ATG16L2: variants seen among roughly 807,000 people sequenced by gnomAD.
The protein encoded by ATG16L2 is autophagy related 16 like 2, also known as protein Atg16l2.
Under a neutral mutation model 84.7 loss-of-function variants are expected in ATG16L2, and 77 were observed. The ratio of observed to expected loss-of-function variants is 0.91; its 90% CI spans 0.76 to 1.10. ATG16L2 has a LOEUF of 1.10. Ranked by LOEUF, ATG16L2 falls within the 50% of genes least tolerant of loss-of-function variation. The probability of loss-of-function intolerance (pLI) is 0.00; values close to 1 mark genes in which losing one functional copy is unlikely to be tolerated. For missense variants in ATG16L2, 782 were observed against 817.6 expected, an observed-to-expected ratio of 0.96 and a Z score of 0.53; for synonymous variants, 361 against 342.8, an observed-to-expected ratio of 1.05 and a Z score of -0.59.
At chr11:72,843,337 A>G (rs765717422) in exon 6 of ATG16L2, 2 of 1,610,196 alleles carry the variant, frequency 1.2e-6, no homozygotes, top group East Asian at 4.5e-5. Context: ...GCCTGGGTAA[A>G]AGACATGTGA....
chr11:72,816,782 A>C lies in ATG16L2; in HGVS notation c.173A>C (p.Gln58Pro), dbSNP rs1180336012. The C allele has an allele frequency of 6.2e-7, 1 of 1,614,240 alleles. No individual in the cohort carries two copies. ...ELLDKFSKKLQPEPNSVTPTT... is the reference protein window; with the variant it reads ...ELLDKFSKKLPPEPNSVTPTT... ...CTGGACAAGTTCTCAAAGAAGCTGC[A>C]GCCGGAGCCAAACAGTGTCACTCCC... Residue 58 changes from glutamine to proline, a missense_variant, in exon 2 of 18, where the codon CAG becomes CCG. Coordinates refer to ENST00000321297, the MANE Select transcript of ATG16L2 (RefSeq NM_033388.2).
In ATG16L2 at chr11:72,839,414, A is replaced by G. The variant is rs145635734; in HGVS notation, c.*22-3203A>G. On this transcript the variant is annotated intron_variant, in intron 5 of 5. Coordinates refer to the ATG16L2 transcript ENST00000534905. Reference sequence around the variant, plus strand: ...AAGATGACTCAGGTAACAACTGGAGAAAGGATCAGAGGCAAGCAAGAGTCC... The same window carrying G: ...AAGATGACTCAGGTAACAACTGGAGGAAGGATCAGAGGCAAGCAAGAGTCC... 6.6e-5 allele frequency among the ~76,000 whole-genome samples: 10 copies of G among 152,362 alleles called. 2 individuals carry two copies. Among genetic ancestry groups the G allele is most frequent in the African/African-American group, 2.4e-4 (10 of 41,590 alleles).
At chr11:72,839,015 C>G in intron 5 of ATG16L2, 1 of 649,984 alleles carries the variant, frequency 1.5e-6, no homozygotes, top group Non-Finnish European at 2.7e-6. Flanking sequence ...TGCTTTCAAC[C>G]TAGTCTTCAC....
exon 6 of ATG16L2, chr11:72,843,361 C>G: frequency 6.4e-7 from 1 of 1,551,364 alleles, no homozygotes; most frequent in East Asian, 2.3e-5. Context: ...AACAAGTTTA[C>G]ACACACAATT....
downstream of ATG16L2, among the ~76,000 whole-genome samples, chr11:72,830,384 T>C (rs1263354812): frequency 6.6e-6 from 1 of 152,170 alleles, no homozygotes; most frequent in Non-Finnish European, 1.5e-5. Context: ...GACCTTGTGC[T>C]GCTGGTTCTA....
intron 12 of ATG16L2, 48 bp from the exon 13 acceptor site, chr11:72,826,655 A>G (rs1447744753): frequency 1.2e-6 from 2 of 1,613,906 alleles, no homozygotes; most frequent in African/African-American, 1.3e-5. Flanking sequence ...GGGGCCTGTT[A>G]TGGGGTCTTG....
chr11:72,820,828 A>T (rs1382708132), intron 3 of ATG16L2, among the ~76,000 whole-genome samples: 2 of 151,612 alleles, frequency 1.3e-5, no homozygotes, highest in Non-Finnish European at 2.9e-5. Flanking sequence ...TCTCCCACCG[A>T]CCCTGCTTGG....
Position 72,822,494 on chromosome 11 carries a change from G to T in ATG16L2, c.661G>T (p.Val221Leu). The stretch of plus-strand genomic sequence containing the variant: ...CCCAACAAGGGCCAAGCAGGCGCGG[G>T]TGTCCCAGGAGCTGAAGAAGGCTGC... ...ERRERAKQARVSQELKKAAKR... is the reference protein window; with the variant it reads ...ERRERAKQARLSQELKKAAKR... The change falls in exon 6 of 18, where the codon GTG becomes TTG. Residue 221 changes from valine to leucine, a missense_variant. By Grantham distance (32) the Val-to-Leu change is conservative. Coordinates refer to ENST00000321297, the MANE Select transcript of ATG16L2 (RefSeq NM_033388.2). The surrounding 1 kb of genome is among the most constrained non-coding windows in gnomAD (Gnocchi z 4.2). The T allele has an allele frequency of 6.2e-7, 1 of 1,613,122 alleles. No individual in the cohort carries two copies.
In ATG16L2 at chr11:72,822,392, C is replaced by CA. The variant is rs1860062897; in HGVS notation, c.645-86_645-85insA. 6.3e-7 allele frequency: 1 copy of CA among 1,592,336 alleles called. No homozygotes were observed. The highest frequency in any genetic ancestry group is 8.6e-7 in the Non-Finnish European group (1 of 1,169,324). On this transcript the variant is annotated intron_variant, in intron 5 of 17. Coordinates refer to ENST00000321297, the MANE Select transcript of ATG16L2 (RefSeq NM_033388.2). The surrounding 1 kb of genome is among the most constrained non-coding windows in gnomAD (Gnocchi z 4.2). ...GTCTGGAAGGGAGGGGGGCAGCAGC[C>CA]GCCCCCTGGAGGAAGGGACCGGGTC...
chr11:72,817,976 C>G, intron 3 of ATG16L2, 121 bp downstream of exon 3: 1 of 929,450 alleles, frequency 1.1e-6, no homozygotes, highest in Admixed American at 2.4e-5. Context: ...ATTGAGTGAG[C>G]CCTAGTGTGT....
rs1043230537 is a variant in ATG16L2, at chr11:72,829,478, A to AGCTG, written c.*91_*94dup. On this transcript the variant is annotated 3_prime_UTR_variant, in exon 18 of 18. Transcript: ENST00000321297. ...ATGCAGGGGTTGGGGTTGGGACTGGAGCTGGCCTTGGGATTTAATGGGGAA... is the reference window on the plus strand; with the variant it reads ...ATGCAGGGGTTGGGGTTGGGACTGGAGCTGGCTGGCCTTGGGATTTAATGGGGAA... 2.6e-6 allele frequency: 4 copies of AGCTG among 1,509,756 alleles called. No homozygotes were observed. In the African/African-American group the frequency reaches 5.5e-5, roughly 21 times the overall value. 93.5% of individuals were successfully genotyped at this position (1,509,756 alleles called of 1,614,324 possible).
At chr11:72,834,086 C>A (rs888016798), downstream of ATG16L2, among the ~76,000 whole-genome samples, 1 of 151,958 alleles carries the variant, frequency 6.6e-6, no homozygotes, top group African/African-American at 2.4e-5. Flanking sequence ...CAAGCAGTAA[C>A]AAGGCAAACA....
chr11:72,821,272 G>A (rs1296911845), intron 3 of ATG16L2: 6 of 1,018,044 alleles, frequency 5.9e-6, no homozygotes, highest in Non-Finnish European at 7.1e-6. Context: ...ACATCATGGC[G>A]CCCGAGGGCC....
chr11:72,816,570 A>T (rs1393153478), intron 1 of ATG16L2, among the ~76,000 whole-genome samples, 158 bp from the exon 2 acceptor site: 1 of 152,204 alleles, frequency 6.6e-6, no homozygotes, highest in Non-Finnish European at 1.5e-5. Flanking sequence ...AACTGCACAG[A>T]TGCCCCTCAG....
chr11:72,822,380 G>A lies in ATG16L2; in HGVS notation c.644+85G>A, dbSNP rs555303244. 6.3e-7 allele frequency: 1 copy of A among 1,583,410 alleles called. No homozygotes were observed. Reference sequence around the variant, plus strand: ...GGCCTCGCCGGTGTCTGGAAGGGAGGGGGGCAGCAGCCGCCCCCTGGAGGA... The same window carrying A: ...GGCCTCGCCGGTGTCTGGAAGGGAGAGGGGCAGCAGCCGCCCCCTGGAGGA... On this transcript the variant is annotated intron_variant, in intron 5 of 17. Coordinates refer to ENST00000321297, the MANE Select transcript of ATG16L2 (RefSeq NM_033388.2). The surrounding 1 kb of genome is among the most constrained non-coding windows in gnomAD (Gnocchi z 4.2).
Position 72,825,369 on chromosome 11 carries a change from G to A in ATG16L2, c.1064G>A (p.Gly355Glu). 2 of 1,613,246 alleles carry A rather than the reference G, an allele frequency of 1.2e-6. No individual in the cohort carries two copies. Among genetic ancestry groups the A allele is most frequent in the Non-Finnish European group, 1.7e-6 (2 of 1,179,962 alleles). ...GPNSSLLATG[G>E]ADRLIHLWNV... ...AACAGCAGCCTCCTGGCCACTGGAG[G>A]GGCTGACCGCCTGATCCACCTCTGG... is the stretch of plus-strand genomic sequence containing the variant. Residue 355 changes from glycine to glutamate, a missense_variant, in exon 10 of 18, where the codon GGG becomes GAG. Gly to Glu is a moderately conservative substitution (Grantham distance 98, BLOSUM62 -2). Coordinates refer to ENST00000321297, the MANE Select transcript of ATG16L2 (RefSeq NM_033388.2).
chr11:72,843,100 C>G, exon 6 of ATG16L2: 1 of 1,565,032 alleles, frequency 6.4e-7, no homozygotes, highest in East Asian at 2.2e-5. Context: ...CAGGGCAATA[C>G]AGTTTAGGTC....
rs539021809 is a variant in ATG16L2, at chr11:72,819,815, G to A, written c.319-1853G>A. ...GGCTGGAGTACAGTCGCGTCATCTC[G>A]GCTCGCTGCAACCTCAGCCTCCCGG... On this transcript the variant is annotated intron_variant, in intron 3 of 17. Coordinates refer to ENST00000321297, the MANE Select transcript of ATG16L2 (RefSeq NM_033388.2). Among the ~76,000 whole-genome samples the A allele has an allele frequency of 6.6e-5, 10 of 151,578 alleles. No homozygotes were observed. In the East Asian group the frequency reaches 1.9e-3, roughly 29 times the overall value.
chr11:72,814,664 C>G, intron 1 of ATG16L2, 101 bp downstream of exon 1: 1 of 972,470 alleles, frequency 1.0e-6, no homozygotes. Context: ...CCCGAGTGCG[C>G]TGTGCCTTAT....
Sources: gnomAD v4.1 joint callset for allele counts (sites outside exome capture counted in the v4.1 genomes callset) on GRCh38, gnomAD v4.1.1 for gene constraint, Gnocchi (gnomAD v3.1) non-coding constraint, MANE v1.5 for transcripts, NCBI Gene and HGNC (gene_info 2026-07-23, HGNC 2026-07-21) for gene names.